Variants in TXLNB observed in about 807,000 individuals in gnomAD.
TXLNB encodes taxilin beta.
In TXLNB, 37 loss-of-function variants were observed where a neutral mutation model predicts 57.4. The ratio of observed to expected loss-of-function variants is 0.64; its 90% CI spans 0.50 to 0.85. The LOEUF (loss-of-function observed/expected upper bound fraction) is 0.85. TXLNB is among the 40% of genes least tolerant of loss of function. The probability of loss-of-function intolerance (pLI) is 0.00; values close to 1 mark genes in which losing one functional copy is unlikely to be tolerated. For synonymous variants in TXLNB, 302 were observed against 309.6 expected (o/e 0.98, Z 0.26); for missense variants, 848 against 825.6 (o/e 1.03, Z -0.33).
intron 2 of TXLNB, among the ~76,000 whole-genome samples, chr6:139,284,684 C>T (rs1263162405): frequency 6.8e-6 from 1 of 146,018 alleles, no homozygotes; most frequent in Non-Finnish European, 1.5e-5. Context: ...GATCATGCTT[C>T]ACTCCAGGCC....
At position 139,241,518 on chromosome 6, in the gene TXLNB, A is replaced by AC. The variant is rs2114407771; in HGVS notation, c.*1007dup. ...CCCCTTCTTAGTGTGAGGTCCCTTA[A>AC]CCCCTCAATCCCTAGCTCCCCTTTC... On this transcript the variant is annotated 3_prime_UTR_variant, in exon 10 of 10. Coordinates refer to ENST00000358430, the MANE Select transcript of TXLNB (RefSeq NM_153235.4). 2 of 152,262 alleles carry AC rather than the reference A, an allele frequency of 1.3e-5. No homozygotes were observed. The highest frequency in any genetic ancestry group is 3.9e-4 in the East Asian group (2 of 5,184). The allele number at this position is 152,262 out of a possible 1,614,324, so 9.4% of individuals were successfully genotyped here.
At chr6:139,319,132 C>T in the TXLNB span, among the ~76,000 whole-genome samples, 10 of 151,614 alleles carry the variant, frequency 6.6e-5, no homozygotes, top group African/African-American at 1.2e-4. Context: ...TCAGTAGAGA[C>T]GGGGTTTTAC....
At chr6:139,258,859 A>C (rs1776410476) in intron 6 of TXLNB, among the ~76,000 whole-genome samples, 1 of 152,200 alleles carries the variant, frequency 6.6e-6, no homozygotes, top group South Asian at 2.1e-4. Flanking sequence ...CTCAGTCAGC[A>C]GTGTGCAACC....
At chr6:139,284,754 A>T (rs1777133668) in intron 2 of TXLNB, among the ~76,000 whole-genome samples, 1 of 145,514 alleles carries the variant, frequency 6.9e-6, no homozygotes, top group African/African-American at 2.5e-5. Context: ...CAAATTTTGC[A>T]ATTGATTCTA....
the TXLNB span, among the ~76,000 whole-genome samples, chr6:139,306,128 C>T: frequency 2.0e-5 from 3 of 152,262 alleles, no homozygotes; most frequent in Non-Finnish European, 2.9e-5. Flanking sequence ...AATACAGTGC[C>T]TGGCCCAGAG....
chr6:139,237,894 T>C (rs574019758), downstream of TXLNB, among the ~76,000 whole-genome samples: 92 of 152,262 alleles, frequency 6.0e-4, no homozygotes, highest in African/African-American at 1.9e-3. Flanking sequence ...CTGAGCTTGA[T>C]TGTGCTGTTG....
In TXLNB at chr6:139,257,353, C is replaced by G. The variant is rs562445912; in HGVS notation, c.1003-1715G>C. Reference sequence around the variant, plus strand: ...TTTTTGCCATTTGCTTGCATTTGGTCTTTCAAAGCACTAAGCATAATTTGC... The same window carrying G: ...TTTTTGCCATTTGCTTGCATTTGGTGTTTCAAAGCACTAAGCATAATTTGC... On this transcript the variant is annotated intron_variant, in intron 6 of 9. Transcript: ENST00000358430. Among the ~76,000 whole-genome samples the G allele has an allele frequency of 7.2e-5, 11 of 152,242 alleles. No individual in the cohort carries two copies. In the South Asian group the frequency reaches 2.3e-3, roughly 32 times the overall value.
chr6:139,228,562 C>T, the TXLNB span, among the ~76,000 whole-genome samples: 334 of 148,998 alleles, frequency 2.2e-3, no homozygotes, highest in African/African-American at 7.8e-3. Context: ...GTTAATGGAT[C>T]TAAAAAGACC....
rs1373879241 is a variant in TXLNB at position 139,241,520 on chromosome 6, C to A, written c.*1006G>T. On this transcript the variant is annotated 3_prime_UTR_variant, in exon 10 of 10. Coordinates refer to ENST00000358430, the MANE Select transcript of TXLNB (RefSeq NM_153235.4). The stretch of plus-strand genomic sequence containing the variant: ...CCTTCTTAGTGTGAGGTCCCTTAAC[C>A]CCTCAATCCCTAGCTCCCCTTTCCC... 6.6e-6 allele frequency: 1 copy of A among 152,194 alleles called. No individual in the cohort carries two copies. Among genetic ancestry groups the A allele is most frequent in the Non-Finnish European group, 1.5e-5 (1 of 68,040 alleles). The allele number at this position is 152,194 out of a possible 1,614,324, so 9.4% of individuals were successfully genotyped here.
the TXLNB span, among the ~76,000 whole-genome samples, chr6:139,309,694 G>A: frequency 6.6e-6 from 1 of 152,160 alleles, no homozygotes. Context: ...GGAAGCCAAG[G>A]AGGGAGCATT....
At chr6:139,251,470 G>A (rs1021077761) in intron 7 of TXLNB, 1 of 152,144 alleles carries the variant, frequency 6.6e-6, no homozygotes, top group African/African-American at 2.4e-5. Flanking sequence ...TGTGCTTCTT[G>A]TTTACTAAAT....
Position 139,242,211 on chromosome 6 carries a change from A to T in TXLNB, c.*315T>A. The T allele has an allele frequency of 4.8e-6, 1 of 207,564 alleles. No homozygotes were observed. Among genetic ancestry groups the T allele is most frequent in the Non-Finnish European group, 9.5e-6 (1 of 105,644 alleles). 12.9% of individuals were successfully genotyped at this position (207,564 alleles called of 1,614,324 possible). On this transcript the variant is annotated 3_prime_UTR_variant, in exon 10 of 10. Coordinates refer to ENST00000358430, the MANE Select transcript of TXLNB (RefSeq NM_153235.4). ...TTGCAGTGGAAGTCTTTAAACATCA[A>T]ATCTTACTGGTGATTAACAAATTTA...
At chr6:139,293,093 G>A (rs1193610200), upstream of TXLNB, among the ~76,000 whole-genome samples, 1 of 152,040 alleles carries the variant, frequency 6.6e-6, no homozygotes, top group Admixed American at 6.5e-5. Context: ...GTAATCATAA[G>A]GGTATTTATT....
At chr6:139,238,262 C>T (rs1775858405), downstream of TXLNB, among the ~76,000 whole-genome samples, 1 of 152,084 alleles carries the variant, frequency 6.6e-6, no homozygotes, top group Non-Finnish European at 1.5e-5. Context: ...GGCATGGTGG[C>T]AGGTGCCTGT....
the TXLNB span, among the ~76,000 whole-genome samples, chr6:139,306,205 C>T: frequency 6.6e-6 from 1 of 152,186 alleles, no homozygotes; most frequent in Non-Finnish European, 1.5e-5. Context: ...TGGTTTCCAT[C>T]AGTGTCTCCT....
intron 7 of TXLNB, among the ~76,000 whole-genome samples, chr6:139,253,917 C>G (rs1331972265): frequency 6.6e-6 from 1 of 152,114 alleles, no homozygotes; most frequent in Non-Finnish European, 1.5e-5. Flanking sequence ...GAATGAGGCA[C>G]AGATAGAATT....
the TXLNB span, among the ~76,000 whole-genome samples, chr6:139,212,319 A>G: frequency 6.6e-6 from 1 of 152,196 alleles, no homozygotes; most frequent in Non-Finnish European, 1.5e-5. Context: ...GTGGGGGCCA[A>G]TATTCAACAT....
the TXLNB span, among the ~76,000 whole-genome samples, chr6:139,222,623 A>G: frequency 6.6e-6 from 1 of 152,188 alleles, no homozygotes; most frequent in Non-Finnish European, 1.5e-5. Context: ...CCTGGCCAAC[A>G]TGGCAAAACC....
chr6:139,255,912 GAA>G (rs139954875), intron 6 of TXLNB, among the ~76,000 whole-genome samples: 6 of 133,076 alleles, frequency 4.5e-5, no homozygotes, highest in South Asian at 2.4e-4. Context: ...CCTTGTCACT[GAA>G]AAAAAAAAAA....
Sources: gnomAD v4.1 joint callset for allele counts (sites outside exome capture counted in the v4.1 genomes callset) on GRCh38, gnomAD v4.1.1 for gene constraint, MANE v1.5 for transcripts, NCBI Gene and HGNC (gene_info 2026-07-23, HGNC 2026-07-21) for gene names.